Variants in TBC1D32 observed in about 807,000 individuals in gnomAD.
TBC1D32 encodes the protein protein broad-minded.
A neutral mutation model predicts 170.3 loss-of-function variants in TBC1D32; 151 were observed. The ratio of observed to expected loss-of-function variants is 0.89; its 90% CI spans 0.78 to 1.01. TBC1D32 has a LOEUF of 1.01. TBC1D32 is among the 50% of genes least tolerant of loss of function. The pLI is 0.00. For synonymous variants in TBC1D32, 498 were observed against 488.0 expected (o/e 1.02, Z -0.27); for missense variants, 1,464 against 1,457.1 (o/e 1.00, Z -0.08).
chr6:121,091,151 T>A, intron 30 of TBC1D32, 110 bp from the exon 31 acceptor site: 1 of 848,128 alleles, frequency 1.2e-6, no homozygotes, highest in Non-Finnish European at 1.8e-6. Context: ...GCTTAGGGCT[T>A]AATCAAAATA....
chr6:121,137,922 G>C (rs566340543), intron 24 of TBC1D32, among the ~76,000 whole-genome samples: 2 of 152,082 alleles, frequency 1.3e-5, no homozygotes, highest in South Asian at 4.1e-4. Context: ...TTTCTAAAGG[G>C]AGAAAAAGTA....
At chr6:121,238,941 T>C (rs1796633321) in intron 20 of TBC1D32, 129 bp downstream of exon 20, 1 of 467,216 alleles carries the variant, frequency 2.1e-6, no homozygotes, top group African/African-American at 2.0e-5. Context: ...AGTTTGAAAA[T>C]TAAAAAGAGG....
intron 17 of TBC1D32, among the ~76,000 whole-genome samples, chr6:121,250,538 C>A (rs534227262): frequency 3.3e-5 from 5 of 152,070 alleles, no homozygotes; most frequent in African/African-American, 1.2e-4. Flanking sequence ...ATTCAACACC[C>A]CTTTATGCTA....
intron 10 of TBC1D32, among the ~76,000 whole-genome samples, chr6:121,295,827 G>C (rs1049472505): frequency 6.6e-6 from 1 of 152,160 alleles, no homozygotes; most frequent in Non-Finnish European, 1.5e-5. Context: ...GCAGAAAAGA[G>C]GTAACATGGC....
intron 15 of TBC1D32, among the ~76,000 whole-genome samples, chr6:121,262,531 C>T (rs1354661508): frequency 6.6e-6 from 1 of 150,888 alleles, no homozygotes. Context: ...GGCTGGAATG[C>T]AGTGGCATGA....
chr6:121,218,200 T>C (rs1794068421), intron 21 of TBC1D32, among the ~76,000 whole-genome samples: 1 of 152,116 alleles, frequency 6.6e-6, no homozygotes, highest in South Asian at 2.1e-4. Context: ...CAAAGACAAC[T>C]ATGCAGGAGA....
intron 22 of TBC1D32, among the ~76,000 whole-genome samples, chr6:121,202,456 G>T (rs995065022): frequency 6.6e-6 from 1 of 151,162 alleles, no homozygotes; most frequent in African/African-American, 2.5e-5. Flanking sequence ...CATTAGCATG[G>T]AAGTTACAAG....
intron 22 of TBC1D32, among the ~76,000 whole-genome samples, chr6:121,188,715 C>T (rs991324640): frequency 5.9e-5 from 9 of 152,150 alleles, no homozygotes; most frequent in Admixed American, 5.9e-4. Context: ...GGGGATTACT[C>T]TTCATTCTTA....
intron 4 of TBC1D32, among the ~76,000 whole-genome samples, chr6:121,310,544 A>C (rs1445138300): frequency 6.6e-6 from 1 of 152,212 alleles, no homozygotes; most frequent in African/African-American, 2.4e-5. Context: ...TTTGAAATTG[A>C]TGCTGAAGAT....
chr6:121,249,063 G>T (rs2128379912), intron 17 of TBC1D32, among the ~76,000 whole-genome samples: 1 of 151,836 alleles, frequency 6.6e-6, no homozygotes, highest in South Asian at 2.1e-4. Context: ...AATAATACTT[G>T]CTAATCAAAT....
chr6:121,162,033 T>C (rs954860085), intron 22 of TBC1D32, among the ~76,000 whole-genome samples: 1 of 152,256 alleles, frequency 6.6e-6, no homozygotes, highest in Non-Finnish European at 1.5e-5. Flanking sequence ...TGGGACTGTT[T>C]GCTTTTCTCT....
rs759272607 is a variant in TBC1D32 at position 121,079,595 on chromosome 6, A to G, written c.*1176T>C. On this transcript the variant is annotated 3_prime_UTR_variant, in exon 32 of 32. Coordinates refer to ENST00000398212, the MANE Select transcript of TBC1D32 (RefSeq NM_152730.6). ...AAAAACTTATTGAAATAAACTCATG[A>G]CTAAAAATGAATAATGTAATATATT... The G allele has an allele frequency of 2.7e-4, 41 of 152,188 alleles. No individual in the cohort carries two copies. The highest frequency in any genetic ancestry group is 5.0e-4 in the Non-Finnish European group (34 of 67,998). 9.4% of individuals were successfully genotyped at this position (152,188 alleles called of 1,614,324 possible).
At chr6:121,298,242 A>G (rs564214031) in intron 10 of TBC1D32, among the ~76,000 whole-genome samples, 56 of 152,258 alleles carry the variant, frequency 3.7e-4, no homozygotes, top group African/African-American at 1.3e-3. Flanking sequence ...CAAGTTTGAC[A>G]TACTATATAC....
intron 22 of TBC1D32, among the ~76,000 whole-genome samples, chr6:121,184,944 C>A (rs1788987025): frequency 6.6e-6 from 1 of 151,944 alleles, no homozygotes; most frequent in South Asian, 2.1e-4. Flanking sequence ...AAGAGGAAGC[C>A]CTTGAAGAAC....
chr6:121,220,591 A>C (rs1794382127), intron 21 of TBC1D32, among the ~76,000 whole-genome samples: 1 of 151,876 alleles, frequency 6.6e-6, no homozygotes, highest in South Asian at 2.1e-4. Context: ...ATCCAGATCT[A>C]GCTAAGATAA....
chr6:121,105,737 T>A (rs1778613860), intron 30 of TBC1D32, among the ~76,000 whole-genome samples: 1 of 151,986 alleles, frequency 6.6e-6, no homozygotes. Context: ...GTTACCTCAG[T>A]TAATCACTGG....
chr6:121,302,198 C>CA (rs1446405463), intron 9 of TBC1D32, among the ~76,000 whole-genome samples: 1 of 151,534 alleles, frequency 6.6e-6, no homozygotes, highest in African/African-American at 2.4e-5. Context: ...CCCACTTTTG[C>CA]AAAAAAAATT....
At chr6:121,132,587 T>C (rs1467424736) in intron 24 of TBC1D32, among the ~76,000 whole-genome samples, 1 of 151,972 alleles carries the variant, frequency 6.6e-6, no homozygotes, top group Non-Finnish European at 1.5e-5. Context: ...AAACTTGTAT[T>C]ATGCTTTTCT....
chr6:121,320,874 A>G (rs1395187539), intron 2 of TBC1D32, among the ~76,000 whole-genome samples: 2 of 152,170 alleles, frequency 1.3e-5, no homozygotes, highest in African/African-American at 2.4e-5. Flanking sequence ...TATGAACCAC[A>G]GCAAGTTTTC....
Sources: allele counts gnomAD v4.1 joint callset (sites outside exome capture counted in the v4.1 genomes callset), GRCh38; gene constraint gnomAD v4.1.1; transcripts MANE v1.5; gene names NCBI Gene and HGNC (gene_info 2026-07-23, HGNC 2026-07-21).